The following FER variants were observed in gnomAD, a reference collection of about 807,000 sequenced individuals.
FER encodes FER tyrosine kinase, also known as tyrosine-protein kinase Fer.
Under a neutral mutation model 111.0 loss-of-function variants are expected in FER, and 63 were observed. The ratio of observed to expected loss-of-function variants is 0.57; its 90% CI spans 0.46 to 0.70. The LOEUF is 0.70. FER is among the 30% of genes least tolerant of loss of function. FER has a pLI of 0.00. For synonymous variants in FER, 327 were observed against 313.9 expected, an observed-to-expected ratio of 1.04 and a Z score of -0.44; for missense variants, 914 against 954.0, an observed-to-expected ratio of 0.96 and a Z score of 0.55.
intron 17 of FER, among the ~76,000 whole-genome samples, chr5:109,102,786 A>G (rs971509918): frequency 2.6e-5 from 4 of 151,756 alleles, no homozygotes; most frequent in African/African-American, 9.7e-5. Context: ...TTTTGGATAC[A>G]TTGTTTTTTT....
chr5:108,970,268 T>C (rs1032792427), intron 13 of FER, among the ~76,000 whole-genome samples: 1 of 151,588 alleles, frequency 6.6e-6, no homozygotes, highest in Non-Finnish European at 1.5e-5. Context: ...CAGGCTGGAG[T>C]GCAGTGGCGC....
intron 1 of FER, among the ~76,000 whole-genome samples, chr5:108,757,138 G>A (rs1216455409): frequency 6.6e-6 from 1 of 152,186 alleles, no homozygotes; most frequent in Non-Finnish European, 1.5e-5. Flanking sequence ...GTAAAAGTCT[G>A]TAGTAAACTA....
At chr5:109,048,902 C>T (rs984711314) in intron 16 of FER, among the ~76,000 whole-genome samples, 1 of 151,312 alleles carries the variant, frequency 6.6e-6, no homozygotes, top group African/African-American at 2.4e-5. Context: ...CTATACAATT[C>T]TACTTTTTTT....
intron 13 of FER, among the ~76,000 whole-genome samples, chr5:108,988,703 C>T (rs1178887357): frequency 6.6e-6 from 1 of 152,010 alleles, no homozygotes; most frequent in Non-Finnish European, 1.5e-5. Flanking sequence ...TGCTAATGAT[C>T]TATCAATTTT....
At chr5:108,852,825 CT>C (rs1398643854) in intron 5 of FER, among the ~76,000 whole-genome samples, 3 of 152,058 alleles carry the variant, frequency 2.0e-5, no homozygotes, top group African/African-American at 7.2e-5. Flanking sequence ...GCACTCTTAG[CT>C]TTAATTTGCA....
intron 13 of FER, among the ~76,000 whole-genome samples, chr5:109,015,400 C>T (rs543326622): frequency 6.7e-6 from 1 of 149,340 alleles, no homozygotes; most frequent in East Asian, 2.0e-4. Context: ...AAACGTGTGA[C>T]TTTTTTTTTT....
chr5:109,042,005 A>G (rs1453065840), intron 14 of FER, among the ~76,000 whole-genome samples: 1 of 152,188 alleles, frequency 6.6e-6, no homozygotes, highest in Non-Finnish European at 1.5e-5. Flanking sequence ...ATTTTGTTAG[A>G]ACAGGAAGTT....
At chr5:109,067,741 T>A (rs749410994) in intron 16 of FER, among the ~76,000 whole-genome samples, 48 of 152,252 alleles carry the variant, frequency 3.2e-4, no homozygotes, top group Non-Finnish European at 5.1e-4. Flanking sequence ...TAAATTCTAC[T>A]CTCTTGAATA....
At chr5:109,040,615 G>A (rs1222866664) in intron 14 of FER, among the ~76,000 whole-genome samples, 1 of 152,152 alleles carries the variant, frequency 6.6e-6, no homozygotes, top group Non-Finnish European at 1.5e-5. Flanking sequence ...GGAACGGGAG[G>A]AGAGAATTAG....
chr5:108,866,336 CA>C (rs1764057021), intron 5 of FER, among the ~76,000 whole-genome samples: 1 of 151,920 alleles, frequency 6.6e-6, no homozygotes, highest in South Asian at 2.1e-4. Flanking sequence ...GTCACAAGGA[CA>C]AAAAACTAAA....
chr5:109,117,001 C>G (rs976773359), intron 17 of FER, among the ~76,000 whole-genome samples: 2 of 152,050 alleles, frequency 1.3e-5, no homozygotes, highest in Admixed American at 1.3e-4. Context: ...GGAAGGGAAC[C>G]TTTCGTGAGA....
chr5:109,142,689 A>G (rs1033552834), intron 17 of FER, among the ~76,000 whole-genome samples: 4 of 152,110 alleles, frequency 2.6e-5, no homozygotes, highest in Non-Finnish European at 5.9e-5. Context: ...GGCCAAAGGC[A>G]TCAAAGGCAA....
At chr5:108,829,850 A>G (rs73207536) in intron 3 of FER, among the ~76,000 whole-genome samples, 14,679 of 152,214 alleles carry the variant, frequency 0.096, 1,062 homozygotes, top group African/African-American at 0.2. Flanking sequence ...TAAAAAACCA[A>G]ACCACCAATT....
At chr5:108,945,457 A>G (rs1001004262) in intron 10 of FER, among the ~76,000 whole-genome samples, 1 of 151,922 alleles carries the variant, frequency 6.6e-6, no homozygotes, top group Non-Finnish European at 1.5e-5. Context: ...TTCCTTCATT[A>G]TGGTATATGA....
chr5:108,880,621 G>C (rs1011555354), intron 8 of FER, among the ~76,000 whole-genome samples: 16 of 151,970 alleles, frequency 1.1e-4, no homozygotes, highest in Non-Finnish European at 1.6e-4. Context: ...CTGATAGTCA[G>C]AATATGAACT....
At chr5:109,117,124 C>G (rs969716422) in intron 17 of FER, among the ~76,000 whole-genome samples, 7 of 151,994 alleles carry the variant, frequency 4.6e-5, no homozygotes, top group African/African-American at 1.7e-4. Context: ...TATGTTAACT[C>G]CATTATACTT....
intron 3 of FER, among the ~76,000 whole-genome samples, chr5:108,800,259 T>C (rs542290943): frequency 6.6e-6 from 1 of 152,376 alleles, no homozygotes; most frequent in Admixed American, 6.5e-5. Context: ...TGTCACATAG[T>C]TTCTGTTTTC....
intron 17 of FER, among the ~76,000 whole-genome samples, chr5:109,107,691 G>C (rs142442497): frequency 1.3e-4 from 20 of 152,250 alleles, no homozygotes; most frequent in Middle Eastern, 3.4e-3. Context: ...CTTGAAACTA[G>C]TAACCGGGAA....
chr5:108,801,048 C>CA (rs900656004), intron 3 of FER, among the ~76,000 whole-genome samples: 8 of 150,962 alleles, frequency 5.3e-5, no homozygotes, highest in Admixed American at 2.6e-4. Context: ...CTCTGTCTCA[C>CA]AAAAAAAAAT....
Sources: allele counts gnomAD v4.1 joint callset (sites outside exome capture counted in the v4.1 genomes callset), GRCh38; gene constraint gnomAD v4.1.1; transcripts MANE v1.5; gene names NCBI Gene and HGNC (gene_info 2026-07-23, HGNC 2026-07-21).